Variants in TBC1D22A observed in about 807,000 individuals in gnomAD.
TBC1D22A encodes the protein TBC1 domain family member 22A, also known as putative GTPase activator.
A neutral mutation model predicts 60.2 loss-of-function variants in TBC1D22A; 38 were observed. The observed-to-expected ratio is 0.63, with a 90% CI of 0.49 to 0.83. The LOEUF (loss-of-function observed/expected upper bound fraction) is 0.83, where lower values mean the gene tolerates loss of function less well. TBC1D22A is among the 40% of genes least tolerant of loss of function. The pLI, the probability that TBC1D22A is intolerant of heterozygous loss-of-function variation, is 0.00. For synonymous variants in TBC1D22A, 302 were observed against 281.7 expected, an observed-to-expected ratio of 1.07 and a Z score of -0.72; for missense variants, 628 against 701.0, an observed-to-expected ratio of 0.90 and a Z score of 1.18.
chr22:46,974,005 T>C (rs1484249456), intron 8 of TBC1D22A, among the ~76,000 whole-genome samples: 1 of 152,262 alleles, frequency 6.6e-6, no homozygotes, highest in African/African-American at 2.4e-5. Context: ...TTTTCTCTCT[T>C]ATTAGAATGT....
intron 4 of TBC1D22A, among the ~76,000 whole-genome samples, chr22:46,829,835 G>T (rs547677690): frequency 6.6e-6 from 1 of 152,252 alleles, no homozygotes; most frequent in African/African-American, 2.4e-5. Flanking sequence ...TTGGAGTTCA[G>T]TGCCGCGTGA....
intron 8 of TBC1D22A, among the ~76,000 whole-genome samples, chr22:46,964,867 T>A (rs1251431630): frequency 6.6e-6 from 1 of 152,208 alleles, no homozygotes; most frequent in Non-Finnish European, 1.5e-5. Flanking sequence ...GCCTTTCACG[T>A]GGGCTCGTTA....
chr22:47,100,106 G>T (rs903965684), intron 11 of TBC1D22A, among the ~76,000 whole-genome samples: 2 of 152,208 alleles, frequency 1.3e-5, no homozygotes, highest in Non-Finnish European at 2.9e-5. Flanking sequence ...ACCCAGCTGG[G>T]TGGCTTCCAG....
At chr22:47,119,990 G>A (rs2147754246) in intron 12 of TBC1D22A, among the ~76,000 whole-genome samples, 1 of 152,224 alleles carries the variant, frequency 6.6e-6, no homozygotes, top group East Asian at 1.9e-4. Flanking sequence ...CATTCATGAG[G>A]CCTGCCTTCA....
intron 4 of TBC1D22A, among the ~76,000 whole-genome samples, chr22:46,867,454 T>C (rs1300919612): frequency 1.3e-5 from 2 of 152,180 alleles, no homozygotes; most frequent in Non-Finnish European, 2.9e-5. Context: ...GTAAAAAATA[T>C]ACCTTCAAGG....
At chr22:47,091,860 C>T (rs1182914007) in intron 11 of TBC1D22A, among the ~76,000 whole-genome samples, 1 of 152,208 alleles carries the variant, frequency 6.6e-6, no homozygotes, top group Non-Finnish European at 1.5e-5. Context: ...GGTATTAACA[C>T]ACCGTAGGCT....
chr22:46,781,333 G>A (rs1176690577), intron 1 of TBC1D22A, among the ~76,000 whole-genome samples: 4 of 151,946 alleles, frequency 2.6e-5, no homozygotes, highest in African/African-American at 9.7e-5. Context: ...ACACCACCAT[G>A]CCTGGTTAAT....
chr22:47,065,654 T>TGTGGCAC (rs1366223481), intron 11 of TBC1D22A, among the ~76,000 whole-genome samples: 2 of 151,666 alleles, frequency 1.3e-5, no homozygotes, highest in East Asian at 1.9e-4. Flanking sequence ...TGGGTTGGAT[T>TGTGGCAC]GAGGGAGACC....
intron 11 of TBC1D22A, among the ~76,000 whole-genome samples, chr22:47,055,328 G>T (rs923360338): frequency 2.0e-5 from 3 of 152,256 alleles, no homozygotes; most frequent in Non-Finnish European, 4.4e-5. Context: ...TGGAGCAGGT[G>T]GGTGGTTAAT....
At chr22:46,991,191 T>C (rs1168567035) in intron 9 of TBC1D22A, among the ~76,000 whole-genome samples, 3 of 152,280 alleles carry the variant, frequency 2.0e-5, no homozygotes, top group East Asian at 3.9e-4. Flanking sequence ...GAAATGAACC[T>C]GGCAGGTAGG....
intron 11 of TBC1D22A, among the ~76,000 whole-genome samples, chr22:47,049,985 C>T (rs1351155001): frequency 6.6e-6 from 1 of 152,358 alleles, no homozygotes; most frequent in African/African-American, 2.4e-5. Flanking sequence ...GTTTGCCCTG[C>T]AGCCAGCAGT....
At chr22:47,072,208 C>G (rs2064022976) in intron 11 of TBC1D22A, among the ~76,000 whole-genome samples, 1 of 152,152 alleles carries the variant, frequency 6.6e-6, no homozygotes, top group South Asian at 2.1e-4. Flanking sequence ...GAGAGGCTGC[C>G]CTCCTGGGGT....
chr22:47,127,633 G>A lies in TBC1D22A; in HGVS notation c.1425+16030G>A, dbSNP rs544491013. 5.3e-5 allele frequency among the ~76,000 whole-genome samples: 8 copies of A among 152,144 alleles called. No individual in the cohort carries two copies. In the South Asian group the frequency reaches 1.0e-3, roughly 20 times the overall value. ...GTGGCCAGCTTGCTCTTCCACTGCC[G>A]TCGGGGAAGGCGGCCCCGTTCCTGT... On this transcript the variant is annotated intron_variant, in intron 12 of 12. Coordinates refer to ENST00000337137, the MANE Select transcript of TBC1D22A (RefSeq NM_014346.5).
At chr22:46,778,083 A>G (rs946570153) in intron 1 of TBC1D22A, among the ~76,000 whole-genome samples, 6 of 152,178 alleles carry the variant, frequency 3.9e-5, no homozygotes, top group African/African-American at 1.4e-4. Flanking sequence ...AGAATGAAAG[A>G]TAAAATGGCA....
In TBC1D22A at chr22:46,777,402, G is replaced by A. The variant is rs1281585299; in HGVS notation, c.62+14554G>A. Among the ~76,000 whole-genome samples the A allele has an allele frequency of 3.3e-5, 5 of 152,156 alleles. No individual in the cohort carries two copies. The highest frequency in any genetic ancestry group is 7.3e-5 in the Non-Finnish European group (5 of 68,028). ...CGAAGAGTGGGTGTGAGGAGTGGCC[G>A]GTGGGGCACAGCTGATTTTTTGGGG... On this transcript the variant is annotated intron_variant, in intron 1 of 12. Coordinates refer to ENST00000337137, the MANE Select transcript of TBC1D22A (RefSeq NM_014346.5). The surrounding 1 kb of genome is among the most constrained non-coding windows in gnomAD (Gnocchi z 4.5).
intron 11 of TBC1D22A, among the ~76,000 whole-genome samples, chr22:47,088,791 G>T (rs13053594): frequency 0.27 from 41,207 of 152,030 alleles, 6,195 homozygotes; most frequent in East Asian, 0.57. Flanking sequence ...TGGACCTGCC[G>T]ATCAATTGCA....
intron 12 of TBC1D22A, among the ~76,000 whole-genome samples, chr22:47,132,893 C>T (rs533992405): frequency 1.3e-5 from 2 of 152,260 alleles, no homozygotes; most frequent in Non-Finnish European, 2.9e-5. Flanking sequence ...GATTTCAGTT[C>T]GAACCAGGGC....
intron 7 of TBC1D22A, among the ~76,000 whole-genome samples, chr22:46,903,665 G>A (rs375841719): frequency 2.0e-5 from 3 of 152,162 alleles, no homozygotes; most frequent in South Asian, 4.2e-4. Flanking sequence ...CCCCCTGCCT[G>A]CCCCAGCAGG....
rs567630097 is a variant in TBC1D22A at position 47,016,871 on chromosome 22, C to T, written c.1201+19162C>T. ...GCTGCTGCGTGGCTGTTGTGCTCCTCAGAGTCCTGGGCCAGGTTCTTGCCC... is the reference window on the plus strand; with the variant it reads ...GCTGCTGCGTGGCTGTTGTGCTCCTTAGAGTCCTGGGCCAGGTTCTTGCCC... On this transcript the variant is annotated intron_variant, in intron 10 of 12. Transcript: ENST00000337137. Among the ~76,000 whole-genome samples the T allele has an allele frequency of 2.6e-3, 397 of 152,368 alleles. 2 individuals are homozygous for T. Among genetic ancestry groups the T allele is most frequent in the African/African-American group, 9.0e-3 (376 of 41,586 alleles).
Sources: gnomAD v4.1 joint callset for allele counts (sites outside exome capture counted in the v4.1 genomes callset) on GRCh38, gnomAD v4.1.1 for gene constraint, Gnocchi (gnomAD v3.1) non-coding constraint, MANE v1.5 for transcripts, NCBI Gene and HGNC (gene_info 2026-07-23, HGNC 2026-07-21) for gene names.